COL11A1: variants seen among roughly 807,000 people sequenced by gnomAD.
The protein encoded by COL11A1 is collagen type XI alpha 1 chain.
Under a neutral mutation model 265.2 loss-of-function variants are expected in COL11A1, and 74 were observed. The observed-to-expected ratio is 0.28, with a 90% CI of 0.23 to 0.34. The LOEUF (loss-of-function observed/expected upper bound fraction) is 0.34. Among genes scored for constraint, COL11A1 ranks in the 10% least tolerant of loss-of-function variants. The probability of loss-of-function intolerance (pLI) is 1.00; values close to 1 mark genes in which losing one functional copy is unlikely to be tolerated. For missense variants in COL11A1, 2,165 were observed against 2,263.6 expected (o/e 0.96, Z 0.88); for synonymous variants, 816 against 727.6 (o/e 1.12, Z -1.96).
intron 4 of COL11A1, among the ~76,000 whole-genome samples, chr1:103,037,805 T>C (rs994026586): frequency 3.3e-5 from 5 of 152,148 alleles, no homozygotes; most frequent in African/African-American, 1.2e-4. Flanking sequence ...AAGAGAGCAA[T>C]TTTTTGTAAG....
chr1:103,099,430 A>C (rs180990130), intron 1 of COL11A1, among the ~76,000 whole-genome samples: 2 of 150,232 alleles, frequency 1.3e-5, no homozygotes, highest in African/African-American at 4.9e-5. Context: ...ACACACATGC[A>C]CATGTACCCA....
chr1:103,026,180 AG>A (rs1470085083), intron 6 of COL11A1, 35 bp downstream of exon 6: 1 of 1,429,460 alleles, frequency 7.0e-7, no homozygotes, highest in Non-Finnish European at 9.9e-7. Flanking sequence ...GACGAACAGC[AG>A]GACACCACAT....
intron 50 of COL11A1, among the ~76,000 whole-genome samples, chr1:102,915,401 T>C (rs1323874207): frequency 1.3e-5 from 2 of 152,238 alleles, no homozygotes; most frequent in Non-Finnish European, 2.9e-5. Context: ...CCCATAGTTT[T>C]AATGTTCTAA....
intron 8 of COL11A1, among the ~76,000 whole-genome samples, chr1:103,022,006 C>T (rs1268549298): frequency 8.9e-6 from 1 of 112,988 alleles, no homozygotes; most frequent in Non-Finnish European, 1.8e-5. Flanking sequence ...GCCACCACAC[C>T]TAGCTAATTT....
rs78668559 is a variant in COL11A1, at chr1:103,026,552, A to G, written c.781-220T>C. Among the ~76,000 whole-genome samples, 12,030 of 152,236 alleles carry G rather than the reference A, an allele frequency of 0.079. 529 individuals carry two copies. The highest frequency in any genetic ancestry group is 0.15 in the Middle Eastern group (43 of 294). On this transcript the variant is annotated intron_variant, in intron 5 of 66. Coordinates refer to ENST00000370096, the MANE Select transcript of COL11A1 (RefSeq NM_001854.4). ...GCACATTTCCTATGAGCAGAATAGTAGTTAGTATCACGAGAAAACAAAAAA... is the reference window on the plus strand; with the variant it reads ...GCACATTTCCTATGAGCAGAATAGTGGTTAGTATCACGAGAAAACAAAAAA...
Position 103,108,436 on chromosome 1 carries a change from G to A in COL11A1, c.-258C>T. ...GACCCTCTGATCCTTCCTCTGCCGG[G>A]CCCTGCCTTCAGAATGAAGGCAGAT... On this transcript the variant is annotated 5_prime_UTR_variant, in exon 1 of 67. Transcript: ENST00000370096. 7 of 602,290 alleles carry A rather than the reference G, an allele frequency of 1.2e-5. No homozygotes were observed. Among genetic ancestry groups the A allele is most frequent in the Non-Finnish European group, 2.1e-5 (7 of 339,388 alleles). The allele number at this position is 602,290 out of a possible 1,614,324, so 37.3% of individuals were successfully genotyped here.
intron 43 of COL11A1, 111 bp from the exon 44 acceptor site, chr1:102,939,199 A>AATTAT: frequency 1.0e-6 from 1 of 965,154 alleles, no homozygotes; most frequent in Non-Finnish European, 1.7e-6. Context: ...GCTAGTGTGT[A>AATTAT]ATGTCACTGT....
At chr1:102,884,003 A>C (rs1650609266) in intron 63 of COL11A1, among the ~76,000 whole-genome samples, 1 of 152,188 alleles carries the variant, frequency 6.6e-6, no homozygotes. Flanking sequence ...GGGAGTAACA[A>C]AGTTATTCTT....
chr1:102,908,364 G>A (rs1654243834), intron 54 of COL11A1, among the ~76,000 whole-genome samples: 1 of 151,678 alleles, frequency 6.6e-6, no homozygotes, highest in Admixed American at 6.6e-5. Context: ...AAGTATTTTT[G>A]GATAAATAGG....
At chr1:103,060,425 A>G (rs1171082426) in intron 4 of COL11A1, among the ~76,000 whole-genome samples, 1 of 152,160 alleles carries the variant, frequency 6.6e-6, no homozygotes, top group Non-Finnish European at 1.5e-5. Context: ...CAGAGAATGA[A>G]TAAGTGAAGG....
rs115514007 is a variant in COL11A1 at position 102,951,703 on chromosome 1, G to A, written c.3169-4747C>T. On this transcript the variant is annotated intron_variant, in intron 41 of 66. Transcript: ENST00000370096. Reference sequence around the variant, plus strand: ...TGCAGTGAGCCGATATCGCGCCACTGCACTCCAGAGCCTGGGCAACGGAGC... The same window carrying A: ...TGCAGTGAGCCGATATCGCGCCACTACACTCCAGAGCCTGGGCAACGGAGC... Among the ~76,000 whole-genome samples the A allele has an allele frequency of 6.9e-3, 1,053 of 152,100 alleles. 13 individuals carry two copies. Among genetic ancestry groups the A allele is most frequent in the African/African-American group, 0.024 (999 of 41,490 alleles).
intron 4 of COL11A1, among the ~76,000 whole-genome samples, chr1:103,048,235 G>C (rs1429660189): frequency 6.6e-6 from 1 of 152,114 alleles, no homozygotes; most frequent in Admixed American, 6.5e-5. Context: ...TCTGGTCCTG[G>C]ACTTTTTTTG....
chr1:102,970,117 C>T (rs1661818056), intron 37 of COL11A1, 102 bp downstream of exon 37: 3 of 807,720 alleles, frequency 3.7e-6, no homozygotes, highest in Non-Finnish European at 6.1e-6. Flanking sequence ...CCATTTTTCT[C>T]AACCTAGTAA....
At chr1:103,091,234 T>C (rs1283099975) in intron 1 of COL11A1, among the ~76,000 whole-genome samples, 2 of 152,128 alleles carry the variant, frequency 1.3e-5, no homozygotes, top group Non-Finnish European at 2.9e-5. Context: ...CCTCTGACAC[T>C]GTTCTTTCAT....
chr1:102,930,536 T>C (rs1369098213), intron 46 of COL11A1, among the ~76,000 whole-genome samples: 10 of 152,152 alleles, frequency 6.6e-5, no homozygotes, highest in Admixed American at 3.9e-4. Flanking sequence ...TCATCAAGGA[T>C]ATTGGTCTAA....
At chr1:102,974,403 G>T (rs543987428) in intron 36 of COL11A1, among the ~76,000 whole-genome samples, 2 of 152,112 alleles carry the variant, frequency 1.3e-5, no homozygotes, top group South Asian at 4.2e-4. Flanking sequence ...AATATAAATA[G>T]ATTTTAGCAT....
chr1:103,040,455 G>A (rs568737685), intron 4 of COL11A1, among the ~76,000 whole-genome samples: 38 of 151,326 alleles, frequency 2.5e-4, no homozygotes, highest in African/African-American at 7.5e-4. Context: ...AACATGTTTA[G>A]TTCCTTGTTG....
intron 30 of COL11A1, among the ~76,000 whole-genome samples, chr1:102,987,062 T>A (rs969212736): frequency 1.1e-4 from 17 of 152,070 alleles, no homozygotes; most frequent in African/African-American, 3.4e-4. Flanking sequence ...TAATCACACA[T>A]CCTTTAATTC....
At position 103,021,654 on chromosome 1, in the gene COL11A1, T is replaced by C. The variant is rs1202921416; in HGVS notation, c.1308+53A>G. The C allele has an allele frequency of 1.4e-5, 15 of 1,109,406 alleles. No homozygotes were observed. The East Asian group carries it at 3.1e-4, about 23-fold the overall frequency. The allele number at this position is 1,109,406 out of a possible 1,614,324, so 68.7% of individuals were successfully genotyped here. A position where few individuals can be genotyped will look rare whatever the true frequency, so the allele number is the denominator to read the frequency against. On this transcript the variant is annotated intron_variant, in intron 9 of 66. Coordinates refer to ENST00000370096, the MANE Select transcript of COL11A1 (RefSeq NM_001854.4). ...CATACATAATAATTTAACATAATCG[T>C]GGCTCATAAGCAATTTTACCAACCT...
Sources: allele counts gnomAD v4.1 joint callset (sites outside exome capture counted in the v4.1 genomes callset), GRCh38; gene constraint gnomAD v4.1.1; transcripts MANE v1.5; gene names NCBI Gene and HGNC (gene_info 2026-07-23, HGNC 2026-07-21).